ASB4: variants seen among roughly 807,000 people sequenced by gnomAD.
ASB4 encodes the protein ankyrin repeat and SOCS box containing 4, also known as ankyrin repeat and SOCS box protein 4.
Under a neutral mutation model 38.6 loss-of-function variants are expected in ASB4, and 35 were observed. The observed-to-expected ratio is 0.91, with a 90% CI of 0.69 to 1.20. The LOEUF is 1.20. ASB4 is among the 50% of genes most tolerant of loss of function. ASB4 has a pLI of 0.00. For synonymous variants in ASB4, 195 were observed against 201.3 expected, an observed-to-expected ratio of 0.97 and a Z score of 0.26; for missense variants, 557 against 527.2, an observed-to-expected ratio of 1.06 and a Z score of -0.55.
intron 2 of ASB4, among the ~76,000 whole-genome samples, chr7:95,503,764 T>C (rs140475842): frequency 6.6e-6 from 1 of 152,328 alleles, no homozygotes; most frequent in East Asian, 1.9e-4. Context: ...ACCAATGCCA[T>C]GGCAACTGAA....
At chr7:95,515,269 C>CTT (rs1562817203) in intron 2 of ASB4, among the ~76,000 whole-genome samples, 1 of 47,118 alleles carries the variant, frequency 2.1e-5, no homozygotes, top group African/African-American at 9.5e-5. Flanking sequence ...CTTTCTTTCT[C>CTT]TTTCTTTCTT....
At chr7:95,512,167 G>A (rs555492446) in intron 2 of ASB4, among the ~76,000 whole-genome samples, 1 of 152,328 alleles carries the variant, frequency 6.6e-6, no homozygotes, top group South Asian at 2.1e-4. Flanking sequence ...GGCTGGCCAG[G>A]AGGCTCGAAC....
intron 2 of ASB4, among the ~76,000 whole-genome samples, chr7:95,519,628 T>C (rs1790632527): frequency 6.6e-6 from 1 of 152,222 alleles, no homozygotes; most frequent in Non-Finnish European, 1.5e-5. Flanking sequence ...TCTGGACTTC[T>C]ACCTGAAGTT....
chr7:95,533,064 T>A (rs1790840630), intron 3 of ASB4, among the ~76,000 whole-genome samples: 1 of 152,158 alleles, frequency 6.6e-6, no homozygotes, highest in Non-Finnish European at 1.5e-5. Flanking sequence ...CTTAACAGAT[T>A]GATGAGTTGG....
chr7:95,471,017 C>G, the ASB4 span, among the ~76,000 whole-genome samples: 1 of 152,080 alleles, frequency 6.6e-6, no homozygotes, highest in Non-Finnish European at 1.5e-5. Flanking sequence ...TTCAGTCATC[C>G]TTGATGCCTG....
At chr7:95,522,376 C>A (rs1007448479) in intron 2 of ASB4, among the ~76,000 whole-genome samples, 12 of 151,168 alleles carry the variant, frequency 7.9e-5, no homozygotes, top group African/African-American at 2.9e-4. Context: ...TGTAGCTGTT[C>A]AAATTCTACA....
chr7:95,490,411 A>G (rs772034216), intron 1 of ASB4, among the ~76,000 whole-genome samples: 7 of 152,162 alleles, frequency 4.6e-5, no homozygotes, highest in Non-Finnish European at 7.4e-5. Context: ...TCCCAGGGGA[A>G]CTTTGAGTTA....
intron 2 of ASB4, among the ~76,000 whole-genome samples, chr7:95,519,718 G>T (rs992326512): frequency 2.6e-5 from 4 of 152,164 alleles, no homozygotes; most frequent in Non-Finnish European, 4.4e-5. Flanking sequence ...TTTCTGACCT[G>T]TCTTAATACC....
intron 2 of ASB4, among the ~76,000 whole-genome samples, chr7:95,515,312 T>TTC (rs1554349285): frequency 0.027 from 2,673 of 100,634 alleles, 110 homozygotes; most frequent in Non-Finnish European, 0.03. Context: ...TTTCTTTCTT[T>TTC]CTTTCTTCCT....
At chr7:95,511,710 T>C (rs1381229436) in intron 2 of ASB4, among the ~76,000 whole-genome samples, 1 of 152,076 alleles carries the variant, frequency 6.6e-6, no homozygotes, top group African/African-American at 2.4e-5. Flanking sequence ...GGATATGGCA[T>C]TTATTTTGCA....
chr7:95,532,222 G>A (rs1245395064), intron 3 of ASB4, among the ~76,000 whole-genome samples: 2 of 152,146 alleles, frequency 1.3e-5, no homozygotes, highest in African/African-American at 4.8e-5. Flanking sequence ...GTGTGGATGG[G>A]GAATTCAGTT....
At chr7:95,482,486 G>T (rs2116568464), upstream of ASB4, among the ~76,000 whole-genome samples, 1 of 152,310 alleles carries the variant, frequency 6.6e-6, no homozygotes, top group African/African-American at 2.4e-5. Flanking sequence ...TCTGTCCATT[G>T]ATCAGCTTTA....
Position 95,527,935 on chromosome 7 carries a change from G to T in ASB4, c.610G>T (p.Val204Leu). 1 of 1,614,146 alleles carries T rather than the reference G, an allele frequency of 6.2e-7. No homozygotes were observed. The highest frequency in any genetic ancestry group is 8.5e-7 in the Non-Finnish European group (1 of 1,180,036). ...YVEHGAIVDS[V>L]NAHMETPLAI... Reference sequence around the variant, plus strand: ...GGAACACGGGGCCATAGTGGACAGCGTGAATGCCCACATGGAGACCCCCCT... The same window carrying T: ...GGAACACGGGGCCATAGTGGACAGCTTGAATGCCCACATGGAGACCCCCCT... The change falls in exon 3 of 5, where the codon GTG becomes TTG. Residue 204 changes from valine (V) to leucine (L), a missense_variant. By Grantham distance (32) the Val-to-Leu change is conservative. Coordinates refer to ENST00000325885, the MANE Select transcript of ASB4 (RefSeq NM_016116.3).
chr7:95,531,673 A>G (rs1289850096), intron 3 of ASB4, among the ~76,000 whole-genome samples: 1 of 152,184 alleles, frequency 6.6e-6, no homozygotes, highest in Non-Finnish European at 1.5e-5. Flanking sequence ...CAGGAGAGAC[A>G]GTATGTGTGT....
chr7:95,515,145 T>TTTTC (rs141602923), intron 2 of ASB4, among the ~76,000 whole-genome samples: 3 of 80,938 alleles, frequency 3.7e-5, no homozygotes, highest in African/African-American at 5.2e-5. Flanking sequence ...AAGCAATTGT[T>TTTTC]TTTCTTTCTT....
At chr7:95,512,079 A>G (rs1039063286) in intron 2 of ASB4, among the ~76,000 whole-genome samples, 2 of 152,182 alleles carry the variant, frequency 1.3e-5, no homozygotes, top group African/African-American at 4.8e-5. Context: ...ATGAAGGGGA[A>G]GCACAGGTTG....
chr7:95,521,021 A>G (rs1170802269), intron 2 of ASB4, among the ~76,000 whole-genome samples: 1 of 152,080 alleles, frequency 6.6e-6, no homozygotes. Flanking sequence ...TTGTGGGGAA[A>G]AATGTTTGAA....
At chr7:95,503,497 C>T (rs1408506763) in intron 2 of ASB4, among the ~76,000 whole-genome samples, 1 of 152,214 alleles carries the variant, frequency 6.6e-6, no homozygotes, top group Non-Finnish European at 1.5e-5. Flanking sequence ...TGGGGACCCA[C>T]TGCCACCTAA....
downstream of ASB4, chr7:95,540,299 C>T (rs1235050339): frequency 2.0e-5 from 3 of 152,124 alleles, no homozygotes; most frequent in African/African-American, 7.2e-5. Context: ...AGCAATGACA[C>T]TGAAGAACTC....
Sources: gnomAD v4.1 joint callset for allele counts (sites outside exome capture counted in the v4.1 genomes callset) on GRCh38, gnomAD v4.1.1 for gene constraint, MANE v1.5 for transcripts, NCBI Gene and HGNC (gene_info 2026-07-23, HGNC 2026-07-21) for gene names.